Variants in DAD1 observed in about 807,000 individuals in gnomAD.
DAD1 encodes the protein defender against cell death 1.
In DAD1, 4 loss-of-function variants were observed where a neutral mutation model predicts 9.0. That is an observed-to-expected ratio of 0.44 (90% CI 0.22 to 1.01). The LOEUF is 1.01. Among genes scored for constraint, DAD1 ranks in the 50% least tolerant of loss-of-function variants. The pLI is 0.24. For missense variants in DAD1, 119 were observed against 137.3 expected (o/e 0.87, Z 0.67); for synonymous variants, 60 against 62.5 (o/e 0.96, Z 0.19).
chr14:22,573,050 TCTC>T (rs990789067), intron 2 of DAD1, among the ~76,000 whole-genome samples: 3 of 152,202 alleles, frequency 2.0e-5, no homozygotes, highest in Non-Finnish European at 4.4e-5. Flanking sequence ...GCTGCTCTCT[TCTC>T]TGGATTTTTG....
rs187114275 is a variant in DAD1, at chr14:22,566,785, A to T, written c.*45-1648T>A. Among the ~76,000 whole-genome samples the T allele has an allele frequency of 5.3e-5, 8 of 152,380 alleles. No individual in the cohort carries two copies. The East Asian group carries it at 1.5e-3, about 29-fold the overall frequency. ...TTATATTAAAACATTTAAATCTAAG[A>T]TGCTGAGGCCAGTCCACGTGAAAGG... is the stretch of plus-strand genomic sequence containing the variant. On this transcript the variant is annotated intron_variant, in intron 2 of 2. Coordinates refer to ENST00000250498, the MANE Select transcript of DAD1 (RefSeq NM_001344.4).
At position 22,566,762 on chromosome 14, in the gene DAD1, A is replaced by G. The variant is rs550057324; in HGVS notation, c.*45-1625T>C. Among the ~76,000 whole-genome samples, 21 of 152,386 alleles carry G rather than the reference A, an allele frequency of 1.4e-4. No homozygotes were observed. In the South Asian group the frequency reaches 4.3e-3, roughly 32 times the overall value. On this transcript the variant is annotated intron_variant, in intron 2 of 2. Coordinates refer to ENST00000250498, the MANE Select transcript of DAD1 (RefSeq NM_001344.4). ...AAAATCAAAGTTTAAAGATTTTATT[A>G]TATTAAAACATTTAAATCTAAGATG...
chr14:22,584,773 CAA>C (rs959567793), intron 1 of DAD1, among the ~76,000 whole-genome samples: 1 of 150,650 alleles, frequency 6.6e-6, no homozygotes, highest in Admixed American at 6.6e-5. Context: ...GCCTGTATGT[CAA>C]AAAAAAAGTT....
chr14:22,567,975 AAAT>A (rs2037012463), intron 2 of DAD1, among the ~76,000 whole-genome samples: 1 of 152,246 alleles, frequency 6.6e-6, no homozygotes, highest in South Asian at 2.1e-4. Context: ...AATTTAAAAT[AAAT>A]AAAAATTTCT....
At chr14:22,569,292 G>GCCCA (rs1293486767) in intron 2 of DAD1, among the ~76,000 whole-genome samples, 1 of 152,084 alleles carries the variant, frequency 6.6e-6, no homozygotes, top group Admixed American at 6.5e-5. Context: ...AATTAGCCAG[G>GCCCA]CGTGGGAGCA....
intron 2 of DAD1, 35 bp from the exon 3 acceptor site, chr14:22,565,172 T>G (rs5742871): frequency 1.4e-6 from 1 of 702,082 alleles, no homozygotes; most frequent in South Asian, 1.5e-5. Flanking sequence ...AAATGTCTTA[T>G]GATACTAGAG....
Position 22,564,945 on chromosome 14 carries a change from G to C in DAD1, c.*237C>G, listed in dbSNP as rs2036993041. The stretch of plus-strand genomic sequence containing the variant: ...GAGTTCTTTAATTTGGAAGGCAAAA[G>C]GTTACATTTAATGAAAGGCAGAGGC... On this transcript the variant is annotated 3_prime_UTR_variant, in exon 3 of 3. Transcript: ENST00000250498. The C allele has an allele frequency of 3.4e-6, 2 of 595,394 alleles. No individual in the cohort carries two copies. The highest frequency in any genetic ancestry group is 1.9e-5 in the African/African-American group (1 of 53,358). The allele number at this position is 595,394 out of a possible 1,614,324, so 36.9% of individuals were successfully genotyped here.
chr14:22,571,683 G>A (rs943836038), intron 2 of DAD1, among the ~76,000 whole-genome samples: 22 of 140,348 alleles, frequency 1.6e-4, no homozygotes, highest in African/African-American at 5.9e-4. Context: ...AGGCTGGAGT[G>A]CAATGGTGCA....
rs562876430 is a variant in DAD1, at chr14:22,583,080, A to C, written c.211+5867T>G. Among the ~76,000 whole-genome samples the C allele has an allele frequency of 7.8e-4, 119 of 151,974 alleles. 1 individual carries two copies. The highest frequency in any genetic ancestry group is 2.6e-3 in the African/African-American group (107 of 41,450). On this transcript the variant is annotated intron_variant, in intron 1 of 2. Transcript: ENST00000250498. ...TGGTGAAGAGGCAGATGGCTGGATG[A>C]GCAGGTTTGATCTTGGACATGTTAA...
intron 2 of DAD1, among the ~76,000 whole-genome samples, chr14:22,566,725 C>T (rs2037004381): frequency 6.6e-6 from 1 of 152,078 alleles, no homozygotes; most frequent in South Asian, 2.1e-4. Flanking sequence ...AAAAGAAATC[C>T]TAGTTTAGTA....
At chr14:22,586,003 A>G (rs1030037246) in intron 1 of DAD1, among the ~76,000 whole-genome samples, 14 of 151,650 alleles carry the variant, frequency 9.2e-5, no homozygotes, top group Non-Finnish European at 1.5e-4. Flanking sequence ...TCAGGAGATC[A>G]AGACCATCCT....
At chr14:22,580,662 T>C (rs2037110092) in intron 1 of DAD1, among the ~76,000 whole-genome samples, 1 of 152,168 alleles carries the variant, frequency 6.6e-6, no homozygotes, top group Non-Finnish European at 1.5e-5. Flanking sequence ...AACCAGATTA[T>C]TTCAATGAAA....
At chr14:22,574,822 C>T (rs2037065593) in intron 2 of DAD1, among the ~76,000 whole-genome samples, 1 of 152,172 alleles carries the variant, frequency 6.6e-6, no homozygotes. Context: ...GTACTAGCTA[C>T]AAACATTAAT....
At chr14:22,578,868 A>C (rs2037096305) in intron 1 of DAD1, among the ~76,000 whole-genome samples, 1 of 152,206 alleles carries the variant, frequency 6.6e-6, no homozygotes, top group African/African-American at 2.4e-5. Context: ...AGAAAAAAAT[A>C]TATAACCAAA....
At chr14:22,565,941 T>C (rs1232767026) in intron 2 of DAD1, among the ~76,000 whole-genome samples, 2 of 152,292 alleles carry the variant, frequency 1.3e-5, no homozygotes, top group African/African-American at 4.8e-5. Flanking sequence ...ATCTCCTACG[T>C]GTACCATGAC....
chr14:22,574,366 T>C (rs1005857494), intron 2 of DAD1, among the ~76,000 whole-genome samples: 2 of 152,134 alleles, frequency 1.3e-5, no homozygotes, highest in East Asian at 1.9e-4. Flanking sequence ...GTACCATATG[T>C]GATGAAGGCC....
chr14:22,584,205 T>C (rs553468766), intron 1 of DAD1, among the ~76,000 whole-genome samples: 1 of 152,262 alleles, frequency 6.6e-6, no homozygotes, highest in East Asian at 1.9e-4. Flanking sequence ...ATTCCTGACA[T>C]GACTATAGGC....
At chr14:22,568,195 G>A (rs2037013816) in intron 2 of DAD1, among the ~76,000 whole-genome samples, 1 of 152,196 alleles carries the variant, frequency 6.6e-6, no homozygotes, top group African/African-American at 2.4e-5. Context: ...TACCTCAAGT[G>A]TAAAATAGGA....
intron 1 of DAD1, among the ~76,000 whole-genome samples, chr14:22,584,747 G>A (rs5742756): frequency 1.9e-4 from 29 of 152,290 alleles, no homozygotes; most frequent in South Asian, 8.3e-4. Context: ...CAGCGAGGAA[G>A]CCAGATCATG....
Sources: allele counts gnomAD v4.1 joint callset (sites outside exome capture counted in the v4.1 genomes callset), GRCh38; gene constraint gnomAD v4.1.1; transcripts MANE v1.5; gene names NCBI Gene and HGNC (gene_info 2026-07-23, HGNC 2026-07-21).